Variants in PDE4D observed in about 807,000 individuals in gnomAD.
PDE4D encodes the protein phosphodiesterase 4D, also known as 3',5'-cyclic-AMP phosphodiesterase 4D.
In PDE4D, 24 loss-of-function variants were observed where a neutral mutation model predicts 87.4. The ratio of observed to expected loss-of-function variants is 0.27; its 90% CI spans 0.20 to 0.39. The LOEUF is 0.39. Among genes scored for constraint, PDE4D ranks in the 10% least tolerant of loss-of-function variants. The probability of loss-of-function intolerance (pLI) is 1.00; values close to 1 mark genes in which losing one functional copy is unlikely to be tolerated. For missense variants in PDE4D, 714 were observed against 1,041.0 expected (o/e 0.69, Z 4.32); for synonymous variants, 384 against 383.2 (o/e 1.00, Z -0.02).
chr5:60,494,005 C>T (rs16878153), intron 1 of PDE4D, among the ~76,000 whole-genome samples: 2,695 of 152,234 alleles, frequency 0.018, 37 homozygotes, highest in Admixed American at 0.047. Context: ...GTACTTTCTG[C>T]AAGATTAAAA....
intron 1 of PDE4D, among the ~76,000 whole-genome samples, chr5:59,619,897 G>A (rs1023775197): frequency 6.6e-6 from 1 of 152,172 alleles, no homozygotes; most frequent in African/African-American, 2.4e-5. Flanking sequence ...AGTAGGCAGA[G>A]GAGGACCCAT....
rs530999452 is a variant in PDE4D at position 60,426,960 on chromosome 5, G to A, written c.-90+60982C>T. Among the ~76,000 whole-genome samples, 6 of 152,112 alleles carry A rather than the reference G, an allele frequency of 3.9e-5. No individual in the cohort carries two copies. The South Asian group carries it at 1.2e-3, about 32-fold the overall frequency. On this transcript the variant is annotated intron_variant, in intron 1 of 16. Transcript: ENST00000502484. ...CAGGTCTGAATAGCTGATTAGAGAT[G>A]GCAGAAGAAAAGAGAACCTAAAACA... is the stretch of plus-strand genomic sequence containing the variant.
intron 1 of PDE4D, among the ~76,000 whole-genome samples, chr5:60,468,139 T>TTTTTTTTTTTTTTTTTTTTTTTTTTTG (rs1561288697): frequency 6.9e-6 from 1 of 145,444 alleles, no homozygotes; most frequent in African/African-American, 2.7e-5. Context: ...TCTTTTTTCT[T>TTTTTTTTTTTTTTTTTTTTTTTTTTTG]TTTTTTTTGT....
intron 1 of PDE4D, among the ~76,000 whole-genome samples, chr5:59,776,599 A>G (rs1343611491): frequency 7.2e-5 from 11 of 152,176 alleles, no homozygotes; most frequent in Admixed American, 3.9e-4. Context: ...ATTTGTTCTG[A>G]TATCTGAGTC....
intron 5 of PDE4D, among the ~76,000 whole-genome samples, chr5:59,129,151 A>G (rs1393605358): frequency 1.3e-5 from 2 of 152,226 alleles, no homozygotes; most frequent in Non-Finnish European, 2.9e-5. Context: ...GAATGTTTAG[A>G]TGAATTATAA....
upstream of PDE4D, among the ~76,000 whole-genome samples, chr5:59,895,628 C>A (rs1434416208): frequency 6.6e-6 from 1 of 152,232 alleles, no homozygotes; most frequent in African/African-American, 2.4e-5. Context: ...GCAGTATAGA[C>A]TGCCTTTTTC....
At chr5:59,463,020 G>T (rs1801009793) in intron 1 of PDE4D, among the ~76,000 whole-genome samples, 1 of 151,982 alleles carries the variant, frequency 6.6e-6, no homozygotes, top group South Asian at 2.1e-4. Flanking sequence ...GTAAGCAGTT[G>T]CAATGACTAA....
At chr5:59,013,141 T>C (rs968490552) in intron 6 of PDE4D, among the ~76,000 whole-genome samples, 2 of 152,158 alleles carry the variant, frequency 1.3e-5, no homozygotes, top group African/African-American at 4.8e-5. Flanking sequence ...CTGTGACACA[T>C]TTAAAGCAGT....
intron 3 of PDE4D, among the ~76,000 whole-genome samples, chr5:59,916,342 C>G (rs531648459): frequency 6.6e-6 from 1 of 152,190 alleles, no homozygotes; most frequent in Non-Finnish European, 1.5e-5. Context: ...GAATGAGCTA[C>G]TCTGCCCTTG....
chr5:60,012,595 C>CA (rs10709003), intron 2 of PDE4D, among the ~76,000 whole-genome samples: 10 of 151,848 alleles, frequency 6.6e-5, no homozygotes, highest in South Asian at 2.1e-4. Context: ...CTGCTATAAC[C>CA]AAAAAAAATG....
At chr5:59,538,096 T>C (rs1815604999) in intron 1 of PDE4D, among the ~76,000 whole-genome samples, 3 of 152,248 alleles carry the variant, frequency 2.0e-5, no homozygotes, top group Non-Finnish European at 4.4e-5. Context: ...CAGGTTTCAC[T>C]GAGTAAACTA....
intron 1 of PDE4D, among the ~76,000 whole-genome samples, chr5:59,843,126 G>GT (rs1743272933): frequency 6.6e-6 from 1 of 151,948 alleles, no homozygotes; most frequent in South Asian, 2.1e-4. Flanking sequence ...TTAAGGAAAT[G>GT]TGAGTCATGT....
chr5:60,164,666 G>A (rs1371845983), intron 2 of PDE4D, among the ~76,000 whole-genome samples: 1 of 152,110 alleles, frequency 6.6e-6, no homozygotes, highest in East Asian at 1.9e-4. Context: ...CATGGAACTG[G>A]CAGTCAAGGA....
At chr5:59,706,811 A>T (rs1287785756) in intron 1 of PDE4D, among the ~76,000 whole-genome samples, 1 of 152,212 alleles carries the variant, frequency 6.6e-6, no homozygotes, top group Non-Finnish European at 1.5e-5. Context: ...ATGCACACAT[A>T]TATACATATT....
chr5:59,892,923 C>G (rs935932208), intron 1 of PDE4D, among the ~76,000 whole-genome samples: 2 of 151,838 alleles, frequency 1.3e-5, no homozygotes, highest in Non-Finnish European at 2.9e-5. Context: ...CACACACACA[C>G]ACACACACAC....
At chr5:59,238,632 GAA>G (rs1322097657) in intron 1 of PDE4D, among the ~76,000 whole-genome samples, 1 of 152,184 alleles carries the variant, frequency 6.6e-6, no homozygotes, top group African/African-American at 2.4e-5. Flanking sequence ...ACTGGAAGGA[GAA>G]AGAGTGCCAT....
At chr5:59,267,357 A>C (rs967957856) in intron 1 of PDE4D, among the ~76,000 whole-genome samples, 1 of 152,116 alleles carries the variant, frequency 6.6e-6, no homozygotes, top group Non-Finnish European at 1.5e-5. Context: ...TCTGTATTCC[A>C]TATGAATGTC....
intron 1 of PDE4D, among the ~76,000 whole-genome samples, chr5:59,484,701 T>C (rs1804805229): frequency 6.6e-6 from 1 of 152,198 alleles, no homozygotes; most frequent in Non-Finnish European, 1.5e-5. Context: ...ACTACATTTC[T>C]GAGACAAAGT....
intron 1 of PDE4D, among the ~76,000 whole-genome samples, chr5:59,483,098 G>A (rs1804545861): frequency 1.3e-5 from 2 of 152,246 alleles, no homozygotes; most frequent in South Asian, 2.1e-4. Flanking sequence ...CTGGGAGGTT[G>A]GTTTTTTCCT....
Sources: gnomAD v4.1 joint callset for allele counts (sites outside exome capture counted in the v4.1 genomes callset) on GRCh38, gnomAD v4.1.1 for gene constraint, MANE v1.5 for transcripts, NCBI Gene and HGNC (gene_info 2026-07-23, HGNC 2026-07-21) for gene names.